Variants in MSI2 observed in about 807,000 individuals in gnomAD.
MSI2 encodes musashi RNA binding protein 2, also known as RNA-binding protein Musashi homolog 2.
A neutral mutation model predicts 45.6 loss-of-function variants in MSI2; 17 were observed. That is an observed-to-expected ratio of 0.37 (90% CI 0.26 to 0.56). The LOEUF (loss-of-function observed/expected upper bound fraction) is 0.56. Ranked by LOEUF, MSI2 falls within the 20% of genes least tolerant of loss-of-function variation. MSI2 has a pLI of 0.77. For missense variants in MSI2, 293 were observed against 444.2 expected, an observed-to-expected ratio of 0.66 and a Z score of 3.06; for synonymous variants, 156 against 158.2, an observed-to-expected ratio of 0.99 and a Z score of 0.11.
intron 6 of MSI2, among the ~76,000 whole-genome samples, chr17:57,416,039 T>G (rs1034049176): frequency 1.3e-5 from 2 of 152,142 alleles, no homozygotes; most frequent in Non-Finnish European, 2.9e-5. Context: ...GGGAAGCAAA[T>G]GTGATCTCAC....
In MSI2 at chr17:57,408,853, C is replaced by T. The variant is rs139251054; in HGVS notation, c.405+7382C>T. On this transcript the variant is annotated intron_variant, in intron 6 of 13. Transcript: ENST00000284073. ...GGCATTGAAATCGAACTCTGTTGTT[C>T]GGTGGAGTGAACATTGATATGGAGA... Among the ~76,000 whole-genome samples the T allele has an allele frequency of 9.9e-3, 1,513 of 152,244 alleles. 31 individuals are homozygous for T. The highest frequency in any genetic ancestry group is 0.035 in the African/African-American group (1,459 of 41,526).
chr17:57,561,125 C>G (rs2087564856), intron 7 of MSI2, among the ~76,000 whole-genome samples: 1 of 152,202 alleles, frequency 6.6e-6, no homozygotes, highest in African/African-American at 2.4e-5. Flanking sequence ...TGTTCTTGCA[C>G]TGTCTGTTCT....
chr17:57,332,678 T>G (rs1178172960), intron 5 of MSI2, among the ~76,000 whole-genome samples: 1 of 152,210 alleles, frequency 6.6e-6, no homozygotes, highest in South Asian at 2.1e-4. Flanking sequence ...ATGTAAAAAC[T>G]TGCTTCTCTT....
Position 57,415,668 on chromosome 17 carries a change from C to T in MSI2, c.405+14197C>T, listed in dbSNP as rs970605209. Among the ~76,000 whole-genome samples, 177 of 152,124 alleles carry T rather than the reference C, an allele frequency of 1.2e-3. 1 individual carries two copies. The highest frequency in any genetic ancestry group is 3.9e-3 in the African/African-American group (160 of 41,520). ...CTGCTCCCCATTCCCCCCAACATCC[C>T]GTGTTTCTGAACCCCCAAATTGCTG... On this transcript the variant is annotated intron_variant, in intron 6 of 13. Transcript: ENST00000284073.
At chr17:57,617,298 A>C (rs1192716995) in intron 9 of MSI2, among the ~76,000 whole-genome samples, 1 of 152,254 alleles carries the variant, frequency 6.6e-6, no homozygotes, top group African/African-American at 2.4e-5. Context: ...TAAATTGGCC[A>C]GATGTTTCTA....
At chr17:57,582,852 G>A (rs142274781) in intron 7 of MSI2, among the ~76,000 whole-genome samples, 10 of 151,958 alleles carry the variant, frequency 6.6e-5, no homozygotes, top group East Asian at 3.9e-4. Flanking sequence ...TTCTGTTTCC[G>A]GATTTTAAAA....
At chr17:57,355,094 C>T (rs570366527) in intron 5 of MSI2, among the ~76,000 whole-genome samples, 1 of 152,296 alleles carries the variant, frequency 6.6e-6, no homozygotes, top group Non-Finnish European at 1.5e-5. Context: ...CAGGAGTTTT[C>T]CTGGTTTTGT....
intron 6 of MSI2, among the ~76,000 whole-genome samples, chr17:57,426,115 C>T (rs1235398908): frequency 1.3e-5 from 2 of 151,976 alleles, no homozygotes; most frequent in Non-Finnish European, 2.9e-5. Context: ...CAGGATAGAC[C>T]GGGGGTTGTG....
At chr17:57,362,967 A>C (rs1423570911) in intron 5 of MSI2, among the ~76,000 whole-genome samples, 1 of 152,224 alleles carries the variant, frequency 6.6e-6, no homozygotes, top group Non-Finnish European at 1.5e-5. Flanking sequence ...TTCTCAAAAA[A>C]TTAAACATAG....
rs1911234087 is a variant in MSI2, at chr17:57,652,476, G to A, written c.790+315G>A. 6.6e-6 allele frequency among the ~76,000 whole-genome samples: 1 copy of A among 152,092 alleles called. No homozygotes were observed. Among genetic ancestry groups the A allele is most frequent in the Admixed American group, 6.5e-5 (1 of 15,270 alleles). ...CCCGTCACCTGACAGCTAGCTTCGG[G>A]TACCTGTGGTCATTTCCCTCCTTGG... On this transcript the variant is annotated intron_variant, in intron 11 of 13. Transcript: ENST00000284073. This position sits in a 1 kb window ranked among gnomAD's most constrained non-coding sequence, Gnocchi z 4.1.
intron 10 of MSI2, chr17:57,630,420 C>T (rs897730699): frequency 2.0e-5 from 3 of 152,308 alleles, no homozygotes; most frequent in Non-Finnish European, 4.4e-5. Flanking sequence ...CACCTTCCCA[C>T]TCACTATGGA....
At chr17:57,636,031 C>A (rs877070) in intron 10 of MSI2, among the ~76,000 whole-genome samples, 91,161 of 152,012 alleles carry the variant, frequency 0.6, 27,891 homozygotes, top group Non-Finnish European at 0.66. Context: ...GGAGAGGGAT[C>A]TGCTAGCTCA....
chr17:57,523,542 CA>C (rs2086638526), intron 6 of MSI2: 3 of 152,230 alleles, frequency 2.0e-5, no homozygotes, highest in Non-Finnish European at 4.4e-5. Context: ...ATTAGAGAGG[CA>C]TCACCCACTG....
At chr17:57,414,547 G>A (rs570354908) in intron 6 of MSI2, among the ~76,000 whole-genome samples, 3 of 152,140 alleles carry the variant, frequency 2.0e-5, no homozygotes, top group African/African-American at 4.8e-5. Flanking sequence ...CTGTCACCAC[G>A]CTTGGCTAAT....
chr17:57,645,405 G>C (rs1049191219), intron 10 of MSI2, among the ~76,000 whole-genome samples: 1 of 152,052 alleles, frequency 6.6e-6, no homozygotes, highest in South Asian at 2.1e-4. Flanking sequence ...TGTACACTGG[G>C]GTCATCTGGG....
intron 6 of MSI2, among the ~76,000 whole-genome samples, chr17:57,528,105 CT>C (rs1192789826): frequency 1.3e-5 from 2 of 150,748 alleles, no homozygotes; most frequent in African/African-American, 2.4e-5. Context: ...TTTACCCCCC[CT>C]ACAGCCACAC....
At chr17:57,315,125 A>G (rs1912748003) in intron 5 of MSI2, among the ~76,000 whole-genome samples, 1 of 152,148 alleles carries the variant, frequency 6.6e-6, no homozygotes, top group Non-Finnish European at 1.5e-5. Flanking sequence ...AGCCAGGAAG[A>G]GTTTAAAGCA....
chr17:57,443,771 G>T (rs1279739510), intron 6 of MSI2, among the ~76,000 whole-genome samples: 1 of 152,108 alleles, frequency 6.6e-6, no homozygotes, highest in Non-Finnish European at 1.5e-5. Context: ...CTGTACCTCA[G>T]TTCCTCCAGA....
intron 6 of MSI2, among the ~76,000 whole-genome samples, chr17:57,520,958 C>A (rs761905656): frequency 6.6e-6 from 1 of 152,144 alleles, no homozygotes; most frequent in Non-Finnish European, 1.5e-5. Context: ...AGCCACTGCC[C>A]CCAGCCCTAG....
Sources: gnomAD v4.1 joint callset for allele counts (sites outside exome capture counted in the v4.1 genomes callset) on GRCh38, gnomAD v4.1.1 for gene constraint, Gnocchi (gnomAD v3.1) non-coding constraint, MANE v1.5 for transcripts, NCBI Gene and HGNC (gene_info 2026-07-23, HGNC 2026-07-21) for gene names.